The following ATP7A variants were observed in gnomAD, a reference collection of about 807,000 sequenced individuals.
ATP7A encodes the protein copper-transporting ATPase 1.
ATP7A carries 7 observed loss-of-function variants against 83.5 expected under a neutral mutation model. The ratio of observed to expected loss-of-function variants is 0.08; its 90% CI spans 0.05 to 0.16. The LOEUF is 0.16. Ranked by LOEUF, ATP7A falls within the 10% of genes least tolerant of loss-of-function variation. The pLI, the probability that ATP7A is intolerant of heterozygous loss-of-function variation, is 1.00. For missense variants in ATP7A, 940 were observed against 1,120.8 expected (o/e 0.84, Z 2.30); for synonymous variants, 354 against 395.2 (o/e 0.90, Z 1.24).
chrX:77,936,451 C>T (rs1557225043), intron 1 of ATP7A, among the ~76,000 whole-genome samples: 1 of 112,284 alleles, frequency 8.9e-6, no homozygotes, highest in African/African-American at 3.2e-5. Context: ...CCATGTTTAA[C>T]TATACCAGTT....
At chrX:77,969,120 G>A (rs782021326) in intron 1 of ATP7A, 17 of 1,209,922 alleles carry the variant, frequency 1.4e-5, no homozygotes, top group Middle Eastern at 4.7e-4. Flanking sequence ...CCTTGATCTG[G>A]GGAACTATTT....
intron 14 of ATP7A, among the ~76,000 whole-genome samples, chrX:78,024,498 G>T (rs782248481): frequency 8.9e-6 from 1 of 111,867 alleles, no homozygotes; most frequent in South Asian, 3.7e-4. Context: ...GGGCCAGCTA[G>T]CGCACACTTG....
At chrX:77,932,711 C>T (rs190569092) in intron 1 of ATP7A, among the ~76,000 whole-genome samples, 1 of 112,761 alleles carries the variant, frequency 8.9e-6, no homozygotes, top group Non-Finnish European at 1.9e-5. Flanking sequence ...GAGACCAGCC[C>T]GGCCAACACA....
chrX:78,037,161 TATC>T (rs2078018748), intron 17 of ATP7A, among the ~76,000 whole-genome samples: 1 of 111,457 alleles, frequency 9.0e-6, no homozygotes, highest in Non-Finnish European at 1.9e-5. Context: ...CAAGTGGTGA[TATC>T]ATATAAATGG....
chrX:78,005,859 G>A (rs1478367623), intron 6 of ATP7A, among the ~76,000 whole-genome samples: 1 of 109,901 alleles, frequency 9.1e-6, no homozygotes, highest in Non-Finnish European at 1.9e-5. Flanking sequence ...AAGTCAAAAG[G>A]CAATTAAAAT....
intron 12 of ATP7A, among the ~76,000 whole-genome samples, chrX:78,019,668 C>T (rs781881052): frequency 1.8e-5 from 2 of 110,651 alleles, no homozygotes; most frequent in African/African-American, 6.6e-5. Context: ...CGAGTTTTGC[C>T]ATGTTGCCCA....
Position 78,015,907 on chromosome X carries a change from C to A in ATP7A, c.2626+26C>A, listed in dbSNP as rs782518203. The A allele has an allele frequency of 5.8e-6, 7 of 1,206,699 alleles. No homozygotes were observed. In the South Asian group the frequency reaches 1.2e-4, roughly 21 times the overall value. On this transcript the variant is annotated intron_variant, in intron 12 of 22. Coordinates refer to ENST00000341514, the MANE Select transcript of ATP7A (RefSeq NM_000052.7). ...GTATGTTCTTTCAAAGGATCATGAC[C>A]AAAATGTTAAGAAAAATAGACATGA...
intron 1 of ATP7A, among the ~76,000 whole-genome samples, chrX:77,930,072 C>A (rs1176936757): frequency 8.9e-6 from 1 of 111,886 alleles, no homozygotes; most frequent in African/African-American, 3.2e-5. Flanking sequence ...GGAGAACCTT[C>A]CAGCAGAGGA....
intron 4 of ATP7A, among the ~76,000 whole-genome samples, chrX:77,995,142 T>G (rs1557232401): frequency 8.9e-6 from 1 of 111,892 alleles, no homozygotes. Flanking sequence ...AACTACCCAT[T>G]TTTTAAGTGT....
At chrX:78,030,851 C>T (rs1047142652) in intron 15 of ATP7A, among the ~76,000 whole-genome samples, 3 of 109,239 alleles carry the variant, frequency 2.7e-5, no homozygotes, top group African/African-American at 6.7e-5. Flanking sequence ...ACCACCATGC[C>T]CAGCTAACTT....
intron 2 of ATP7A, among the ~76,000 whole-genome samples, chrX:77,986,148 C>T (rs1296901148): frequency 9.0e-6 from 1 of 111,479 alleles, no homozygotes; most frequent in Non-Finnish European, 1.9e-5. Context: ...TGTTTTGGAT[C>T]ATTTATGCTA....
At chrX:77,959,311 T>C in intron 1 of ATP7A, among the ~76,000 whole-genome samples, 1 of 112,134 alleles carries the variant, frequency 8.9e-6, no homozygotes, top group Middle Eastern at 4.6e-3. Flanking sequence ...GGGTTTTCTG[T>C]ATATAAGATC....
chrX:78,032,187 C>G lies in ATP7A; in HGVS notation c.3294+605C>G, dbSNP rs147306552. Reference sequence around the variant, plus strand: ...TTTTTTATTTTATTAAGTGAATTTTCCTGTCAGGAAATGCAGATCTGCCTC... The same window carrying G: ...TTTTTTATTTTATTAAGTGAATTTTGCTGTCAGGAAATGCAGATCTGCCTC... On this transcript the variant is annotated intron_variant, in intron 16 of 22. Transcript: ENST00000341514. Among the ~76,000 whole-genome samples the G allele has an allele frequency of 6.0e-3, 672 of 111,724 alleles. 2 individuals carry two copies. The highest frequency in any genetic ancestry group is 0.021 in the African/African-American group (639 of 30,843).
At chrX:78,008,981 A>G in intron 6 of ATP7A, 121 bp from the exon 7 acceptor site, 1 of 781,304 alleles carries the variant, frequency 1.3e-6, no homozygotes, top group Non-Finnish European at 1.9e-6. Flanking sequence ...GCACCACTGC[A>G]TTCCAGCCTG....
At position 78,046,327 on chromosome X, in the gene ATP7A, G is replaced by A; in HGVS notation, c.4260G>A (p.Leu1420=). The stretch of plus-strand genomic sequence containing the variant: ...AACCAACTTACGAGAGTTATGAACT[G>A]CCTGCCCGGAGCCAGATAGGACAGA... ...YRKPTYESYE[L]PARSQIGQKS... Residue 1420 remains leucine, a synonymous_variant, in exon 23 of 23, where the codon CTG becomes CTA. Transcript: ENST00000341514. 8.3e-7 allele frequency: 1 copy of A among 1,211,578 alleles called. No homozygotes were observed. The highest frequency in any genetic ancestry group is 1.7e-5 in the African/African-American group (1 of 57,835).
At chrX:78,044,550 C>G (rs782545158) in intron 21 of ATP7A, among the ~76,000 whole-genome samples, 23 of 110,972 alleles carry the variant, frequency 2.1e-4, no homozygotes, top group Admixed American at 1.9e-4. Context: ...TTTTTTTACT[C>G]TACATCAGTT....
At chrX:78,011,721 C>G (rs1343880306) in intron 9 of ATP7A, 47 bp downstream of exon 9, 1 of 1,128,673 alleles carries the variant, frequency 8.9e-7, no homozygotes, top group African/African-American at 1.8e-5. Flanking sequence ...AAAAAATAAG[C>G]AAAATTTGGC....
At chrX:77,956,757 TTC>T (rs2077444919) in intron 1 of ATP7A, among the ~76,000 whole-genome samples, 1 of 100,745 alleles carries the variant, frequency 9.9e-6, no homozygotes, top group Non-Finnish European at 2.0e-5. Context: ...CTTTCTTTCT[TTC>T]TTTCTTTCTT....
chrX:78,038,802 A>G, intron 17 of ATP7A, 34 bp from the exon 18 acceptor site: 1 of 1,203,385 alleles, frequency 8.3e-7, no homozygotes, highest in Non-Finnish European at 1.1e-6. Flanking sequence ...GATTAATTGA[A>G]CTTACTAAAT....
Sources: gnomAD v4.1 joint callset for allele counts (sites outside exome capture counted in the v4.1 genomes callset) on GRCh38, gnomAD v4.1.1 for gene constraint, MANE v1.5 for transcripts, NCBI Gene and HGNC (gene_info 2026-07-23, HGNC 2026-07-21) for gene names.